Variants in PCTP observed in about 807,000 individuals in gnomAD.
PCTP encodes START domain-containing protein 2.
PCTP carries 27 observed loss-of-function variants against 31.0 expected under a neutral mutation model. The ratio of observed to expected loss-of-function variants is 0.87; its 90% CI spans 0.64 to 1.20. PCTP has a LOEUF of 1.20. Among genes scored for constraint, PCTP ranks in the 50% most tolerant of loss-of-function variants. PCTP has a pLI of 0.00. For synonymous variants in PCTP, 108 were observed against 101.2 expected (o/e 1.07, Z -0.40); for missense variants, 287 against 268.2 (o/e 1.07, Z -0.49).
At chr17:55,790,340 A>G (rs1911912270) in intron 3 of PCTP, among the ~76,000 whole-genome samples, 1 of 152,156 alleles carries the variant, frequency 6.6e-6, no homozygotes, top group South Asian at 2.1e-4. Flanking sequence ...AGGGTATTCA[A>G]TTAGGAAAAG....
chr17:55,771,786 C>A (rs1052556985), intron 3 of PCTP, among the ~76,000 whole-genome samples: 1 of 152,094 alleles, frequency 6.6e-6, no homozygotes, highest in African/African-American at 2.4e-5. Context: ...ACTGTAAGGT[C>A]TTCAGAAGCC....
intron 1 of PCTP, among the ~76,000 whole-genome samples, chr17:55,763,319 G>T (rs924186772): frequency 1.3e-5 from 2 of 152,128 alleles, no homozygotes; most frequent in East Asian, 1.9e-4. Flanking sequence ...CTTTGGAACT[G>T]GTGAGAGGAA....
chr17:55,774,872 G>C lies in PCTP; in HGVS notation c.579+13G>C. 3 of 645,906 alleles carry C rather than the reference G, an allele frequency of 4.6e-6. No homozygotes were observed. The highest frequency in any genetic ancestry group is 4.2e-5 in the South Asian group (3 of 72,120). The allele number at this position is 645,906 out of a possible 1,614,324, so 40.0% of individuals were successfully genotyped here. On this transcript the variant is annotated intron_variant, in intron 5 of 5. Coordinates refer to ENST00000268896, the MANE Select transcript of PCTP (RefSeq NM_021213.4). ...CTGGGCCGCCAAGGTGAGATCCCAGGAGGTGGGGCGGGGGGAGGGATGGGG... is the reference window on the plus strand; with the variant it reads ...CTGGGCCGCCAAGGTGAGATCCCAGCAGGTGGGGCGGGGGGAGGGATGGGG...
At chr17:55,834,520 A>G (rs576249540) in intron 5 of PCTP, among the ~76,000 whole-genome samples, 1 of 152,292 alleles carries the variant, frequency 6.6e-6, no homozygotes, top group South Asian at 2.1e-4. Flanking sequence ...CCCAGTCTCA[A>G]TTCCAAGTTC....
At chr17:55,799,432 A>G (rs1388540616) in intron 3 of PCTP, among the ~76,000 whole-genome samples, 1 of 136,234 alleles carries the variant, frequency 7.3e-6, no homozygotes, top group Non-Finnish European at 1.6e-5. Context: ...CTTGGTAAAT[A>G]TTCCTCCATC....
In PCTP at chr17:55,776,857, G is replaced by C; in HGVS notation, c.*757G>C. 1.0e-6 allele frequency: 1 copy of C among 1,001,916 alleles called. No homozygotes were observed. The highest frequency in any genetic ancestry group is 1.2e-6 in the Non-Finnish European group (1 of 841,348). The allele number at this position is 1,001,916 out of a possible 1,614,324, so 62.1% of individuals were successfully genotyped here. On this transcript the variant is annotated 3_prime_UTR_variant, in exon 6 of 6. Coordinates refer to ENST00000268896, the MANE Select transcript of PCTP (RefSeq NM_021213.4). ...TCCATATGTCACTGGGGGAAAGGCT[G>C]CCTGTACCTCTCAAGCTTTGCATTT...
intron 3 of PCTP, among the ~76,000 whole-genome samples, chr17:55,800,268 G>C (rs1385782869): frequency 6.6e-6 from 1 of 151,906 alleles, no homozygotes; most frequent in Non-Finnish European, 1.5e-5. Flanking sequence ...GGTTTTGTTT[G>C]TTCCTTTTCA....
chr17:55,782,152 T>C (rs975102654), downstream of PCTP, among the ~76,000 whole-genome samples: 2 of 152,208 alleles, frequency 1.3e-5, no homozygotes, highest in Non-Finnish European at 2.9e-5. Flanking sequence ...GCAGGAGGCA[T>C]TGCCCCTTCC....
intron 3 of PCTP, among the ~76,000 whole-genome samples, chr17:55,820,684 C>A (rs1021592851): frequency 1.3e-5 from 2 of 152,066 alleles, no homozygotes; most frequent in African/African-American, 2.4e-5. Flanking sequence ...AATGATACAA[C>A]AAGAGACAAA....
At position 55,774,740 on chromosome 17, in the gene PCTP, A is replaced by AT. The variant is rs574920290; in HGVS notation, c.512-47dup. The AT allele has an allele frequency of 2.4e-4, 339 of 1,417,802 alleles. 1 individual carries two copies. In the East Asian group the frequency reaches 6.7e-3, roughly 28 times the overall value. 87.8% of individuals were successfully genotyped at this position (1,417,802 alleles called of 1,614,324 possible). On this transcript the variant is annotated intron_variant, in intron 4 of 5. Coordinates refer to ENST00000268896, the MANE Select transcript of PCTP (RefSeq NM_021213.4). ...AAAGTTTGCACAGTTTTGTTGCTAT[A>AT]TTTTTCTGGTATTTTTCCTTTTTCT...
At chr17:55,838,309 C>T (rs1250265103) in intron 5 of PCTP, among the ~76,000 whole-genome samples, 4 of 152,216 alleles carry the variant, frequency 2.6e-5, no homozygotes, top group Non-Finnish European at 5.9e-5. Flanking sequence ...ATCTCTGCTC[C>T]AGCCACAGTG....
intron 1 of PCTP, 161 bp downstream of exon 1, chr17:55,751,405 G>A (rs1234629107): frequency 3.9e-6 from 6 of 1,534,462 alleles, no homozygotes; most frequent in Non-Finnish European, 5.2e-6. Context: ...TGGAGCTAGC[G>A]CAGGGGCGGT....
chr17:55,828,563 C>T (rs988932563), intron 5 of PCTP, among the ~76,000 whole-genome samples: 2 of 152,206 alleles, frequency 1.3e-5, no homozygotes, highest in African/African-American at 4.8e-5. Flanking sequence ...ACTCTAATGA[C>T]CTCATCTTAA....
chr17:55,787,620 G>C (rs1318169353), exon 3 of PCTP: 1 of 152,162 alleles, frequency 6.6e-6, no homozygotes, highest in East Asian at 1.9e-4. Flanking sequence ...CTCTCAAAGT[G>C]CTGGGATTAC....
chr17:55,833,869 T>C (rs1905689028), intron 5 of PCTP, among the ~76,000 whole-genome samples: 1 of 152,240 alleles, frequency 6.6e-6, no homozygotes, highest in Non-Finnish European at 1.5e-5. Context: ...TAGATTATCC[T>C]GGACTATAAA....
chr17:55,757,924 C>T (rs1046730684), intron 1 of PCTP, among the ~76,000 whole-genome samples: 7 of 152,150 alleles, frequency 4.6e-5, no homozygotes, highest in Admixed American at 4.6e-4. Context: ...GGCTCCCTCT[C>T]CCTGATGTTT....
chr17:55,821,184 C>G (rs918992286), intron 3 of PCTP, among the ~76,000 whole-genome samples: 2 of 152,168 alleles, frequency 1.3e-5, no homozygotes, highest in African/African-American at 2.4e-5. Flanking sequence ...CATAATATAT[C>G]TGTACAATGA....
chr17:55,845,085 C>CAAAAAAAAAAAAAAAAAAAA (rs891404386), downstream of PCTP, among the ~76,000 whole-genome samples: 6 of 32,526 alleles, frequency 1.8e-4, 1 homozygote, highest in Non-Finnish European at 2.3e-4. Flanking sequence ...AAAACTCCAT[C>CAAAAAAAAAAAAAAAAAAAA]AAAAAAAAAA....
intron 3 of PCTP, among the ~76,000 whole-genome samples, chr17:55,811,343 A>G (rs1434544321): frequency 6.6e-6 from 1 of 152,226 alleles, no homozygotes; most frequent in East Asian, 1.9e-4. Flanking sequence ...GTTCTCTTCC[A>G]AGCACTTTTC....
Sources: allele counts gnomAD v4.1 joint callset (sites outside exome capture counted in the v4.1 genomes callset), GRCh38; gene constraint gnomAD v4.1.1; transcripts MANE v1.5; gene names NCBI Gene and HGNC (gene_info 2026-07-23, HGNC 2026-07-21).